The following PPP4R3A variants were observed in gnomAD, a reference collection of about 807,000 sequenced individuals.
The protein encoded by PPP4R3A is protein phosphatase 4 regulatory subunit 3A, also known as serine/threonine-protein phosphatase 4 regulatory subunit 3A.
In PPP4R3A, 15 loss-of-function variants were observed where a neutral mutation model predicts 91.7. The ratio of observed to expected loss-of-function variants is 0.16; its 90% CI spans 0.11 to 0.25. PPP4R3A has a LOEUF of 0.25. Ranked by LOEUF, PPP4R3A falls within the 10% of genes least tolerant of loss-of-function variation. The probability of loss-of-function intolerance (pLI) is 1.00; values close to 1 mark genes in which losing one functional copy is unlikely to be tolerated. For synonymous variants in PPP4R3A, 377 were observed against 348.7 expected (o/e 1.08, Z -0.91); for missense variants, 623 against 998.4 (o/e 0.62, Z 5.07).
Position 91,490,811 on chromosome 14 carries a change from CAGAAAA to C in PPP4R3A, c.143-15_143-10del, listed in dbSNP as rs757126400. On this transcript the variant is annotated splice_polypyrimidine_tract_variant and intron_variant, in intron 1 of 14. Transcript: ENST00000554943. ...CTCTAAAAGTAGAGAACCTAGGAAA[CAGAAAA>C]AGACATTCCATTATGTTACTGTAAA... 1 of 1,595,100 alleles carries C rather than the reference CAGAAAA, an allele frequency of 6.3e-7. No individual in the cohort carries two copies. Among genetic ancestry groups the C allele is most frequent in the African/African-American group, 1.4e-5 (1 of 73,220 alleles).
chr14:91,496,168 A>T (rs1379320417), intron 1 of PPP4R3A, among the ~76,000 whole-genome samples: 1 of 152,204 alleles, frequency 6.6e-6, no homozygotes, highest in African/African-American at 2.4e-5. Context: ...TAGGATAGTG[A>T]CTGGGGAGGA....
intron 1 of PPP4R3A, among the ~76,000 whole-genome samples, chr14:91,494,024 G>A (rs1890391436): frequency 6.6e-6 from 1 of 151,156 alleles, no homozygotes; most frequent in Admixed American, 6.6e-5. Context: ...TCGGCAGGCA[G>A]GTGGGTCACT....
At chr14:91,508,645 G>A (rs914187240) in intron 1 of PPP4R3A, among the ~76,000 whole-genome samples, 2 of 152,042 alleles carry the variant, frequency 1.3e-5, no homozygotes, top group African/African-American at 4.8e-5. Context: ...ATATGAAACA[G>A]CACATGTGGA....
chr14:91,491,248 T>TA (rs996628592), intron 1 of PPP4R3A, among the ~76,000 whole-genome samples: 10 of 151,766 alleles, frequency 6.6e-5, no homozygotes, highest in African/African-American at 2.4e-4. Context: ...TTTGTAGAGA[T>TA]AGAGTCTCGC....
intron 1 of PPP4R3A, among the ~76,000 whole-genome samples, chr14:91,495,027 G>A (rs914307630): frequency 6.6e-6 from 1 of 152,102 alleles, no homozygotes; most frequent in African/African-American, 2.4e-5. Flanking sequence ...TTTTGGAAAA[G>A]TTTGGCAGTT....
At position 91,473,410 on chromosome 14, in the gene PPP4R3A, G is replaced by A. The variant is rs747229718; in HGVS notation, c.1267-40C>T. The A allele has an allele frequency of 2.5e-6, 4 of 1,577,684 alleles. No homozygotes were observed. In the Admixed American group the frequency reaches 7.3e-5, roughly 29 times the overall value. On this transcript the variant is annotated intron_variant, in intron 7 of 14. Coordinates refer to ENST00000554943, the MANE Select transcript of PPP4R3A (RefSeq NM_001366432.2). ...AGACATACTCAGGATCACTTATTAT[G>A]AGAGAACGGAAAAAGCAAAAACTAA...
rs906392775 is a variant in PPP4R3A, at chr14:91,510,037, G to GGCC, written c.-393_-391dup. ...TTCCCGCGCCGCCGCCGCCTCCTCA[G>GGCC]GCCGCCGCCGCCGCCGCCATATTTT... On this transcript the variant is annotated 5_prime_UTR_variant, in exon 1 of 15. Transcript: ENST00000554943. 5.7e-5 allele frequency: 44 copies of GGCC among 769,620 alleles called. No homozygotes were observed. The highest frequency in any genetic ancestry group is 3.9e-4 in the South Asian group (7 of 18,094). 47.7% of individuals were successfully genotyped at this position (769,620 alleles called of 1,614,324 possible).
chr14:91,468,037 T>C (rs17127372), intron 10 of PPP4R3A, among the ~76,000 whole-genome samples: 4,448 of 152,304 alleles, frequency 0.029, 213 homozygotes, highest in African/African-American at 0.1. Flanking sequence ...ACAAAGCCAG[T>C]TCTAAAAAGC....
chr14:91,500,359 C>T (rs1397132327), intron 1 of PPP4R3A, among the ~76,000 whole-genome samples: 1 of 152,130 alleles, frequency 6.6e-6, no homozygotes, highest in East Asian at 1.9e-4. Context: ...CACCACCACG[C>T]CCAGCTAATT....
intron 3 of PPP4R3A, 70 bp from the exon 4 acceptor site, chr14:91,482,263 G>C: frequency 6.9e-7 from 1 of 1,452,778 alleles, no homozygotes; most frequent in Non-Finnish European, 9.1e-7. Flanking sequence ...GCTACTCTAA[G>C]ATGAATACTA....
chr14:91,485,751 T>C, intron 2 of PPP4R3A, 21 bp from the exon 3 acceptor site: 1 of 1,513,056 alleles, frequency 6.6e-7, no homozygotes, highest in Non-Finnish European at 9.0e-7. Flanking sequence ...ATAAAAGGAG[T>C]CTGAATGATT....
rs1889607765 is a variant in PPP4R3A at position 91,482,181 on chromosome 14, C to G, written c.310G>C (p.Asp104His). ...WEKICQVQGK[D>H]PSVDITQDLV... ...TCCTGAGTGATGTCCACGGAAGGGTCCTTTCCTTGAACCTATGAAAAAAAA... is the reference window on the plus strand; with the variant it reads ...TCCTGAGTGATGTCCACGGAAGGGTGCTTTCCTTGAACCTATGAAAAAAAA... The change falls in exon 4 of 15, where the codon GAC becomes CAC. Residue 104 changes from aspartate to histidine, a missense_variant. Asp to His is a moderately conservative substitution (Grantham distance 81). Transcript: ENST00000554943. The G allele has an allele frequency of 6.3e-7, 1 of 1,595,356 alleles. No homozygotes were observed. The highest frequency in any genetic ancestry group is 1.4e-5 in the African/African-American group (1 of 73,986).
At chr14:91,496,924 T>C (rs1890607986) in intron 1 of PPP4R3A, among the ~76,000 whole-genome samples, 1 of 146,028 alleles carries the variant, frequency 6.8e-6, no homozygotes, top group Non-Finnish European at 1.5e-5. Context: ...CAATCAACTA[T>C]AACAGATCCA....
chr14:91,457,685 T>C lies in PPP4R3A; in HGVS notation c.*1074A>G, dbSNP rs1887848241. 6.6e-6 allele frequency: 1 copy of C among 152,668 alleles called. No individual in the cohort carries two copies. The highest frequency in any genetic ancestry group is 6.5e-5 in the Admixed American group (1 of 15,294). The allele number at this position is 152,668 out of a possible 1,614,324, so 9.5% of individuals were successfully genotyped here. A position where few individuals can be genotyped will look rare whatever the true frequency, so the allele number is the denominator to read the frequency against. ...TTAAATCATCCATCCTCAATTTTGA[T>C]TTAATGTACCGTCATTTCCCCAAGA... On this transcript the variant is annotated 3_prime_UTR_variant, in exon 15 of 15. Transcript: ENST00000554943.
chr14:91,493,523 G>A (rs1890354700), intron 1 of PPP4R3A, among the ~76,000 whole-genome samples: 1 of 150,330 alleles, frequency 6.7e-6, no homozygotes, highest in African/African-American at 2.5e-5. Context: ...GCAAGGTGCA[G>A]TGGCTCATGC....
At chr14:91,468,310 A>C (rs779664171) in intron 10 of PPP4R3A, among the ~76,000 whole-genome samples, 23 of 152,236 alleles carry the variant, frequency 1.5e-4, no homozygotes, top group Non-Finnish European at 3.1e-4. Context: ...CAAGCAAAAT[A>C]ATGAAATGAT....
chr14:91,486,779 C>A (rs1379384294), intron 2 of PPP4R3A, among the ~76,000 whole-genome samples: 1 of 151,512 alleles, frequency 6.6e-6, no homozygotes, highest in Non-Finnish European at 1.5e-5. Context: ...GGGCATGTGC[C>A]TGTAATCCCA....
intron 2 of PPP4R3A, among the ~76,000 whole-genome samples, chr14:91,486,001 T>C (rs1478228647): frequency 2.0e-5 from 3 of 152,192 alleles, no homozygotes; most frequent in East Asian, 1.9e-4. Flanking sequence ...CAAAACATTA[T>C]ACCAATTATA....
Position 91,461,673 on chromosome 14 carries a change from T to C in PPP4R3A, c.2165-66A>G. The C allele has an allele frequency of 4.0e-6, 6 of 1,493,200 alleles. No homozygotes were observed. In the South Asian group the frequency reaches 7.3e-5, roughly 18 times the overall value. 92.5% of individuals were successfully genotyped at this position (1,493,200 alleles called of 1,614,324 possible). On this transcript the variant is annotated intron_variant, in intron 13 of 14. Transcript: ENST00000554943. ...CTTTTTTAAATTTCCCCAAATGAGG[T>C]AACACTAAAACACATTTAACTAGCT...
Sources: allele counts gnomAD v4.1 joint callset (sites outside exome capture counted in the v4.1 genomes callset), GRCh38; gene constraint gnomAD v4.1.1; transcripts MANE v1.5; gene names NCBI Gene and HGNC (gene_info 2026-07-23, HGNC 2026-07-21).